The following MFHAS1 variants were observed in gnomAD, a reference collection of about 807,000 sequenced individuals.
MFHAS1 encodes malignant fibrous histiocytoma-amplified sequence 1.
A neutral mutation model predicts 70.4 loss-of-function variants in MFHAS1; 50 were observed. The observed-to-expected ratio is 0.71, with a 90% CI of 0.57 to 0.90. The LOEUF is 0.90. MFHAS1 is among the 40% of genes least tolerant of loss of function. The pLI, the probability that MFHAS1 is intolerant of heterozygous loss-of-function variation, is 0.00. For missense variants in MFHAS1, 1,795 were observed against 1,347.6 expected (o/e 1.33, Z -5.20); for synonymous variants, 952 against 620.0 (o/e 1.54, Z -7.96).
chr8:8,792,327 C>T (rs34473848), intron 2 of MFHAS1, among the ~76,000 whole-genome samples: 47,397 of 150,120 alleles, frequency 0.32, 8,437 homozygotes, highest in African/African-American at 0.47. Context: ...ATTGGCCGGG[C>T]GCGTGGCTCA....
intron 1 of MFHAS1, among the ~76,000 whole-genome samples, chr8:8,816,398 G>T (rs146758425): frequency 1.3e-5 from 2 of 152,156 alleles, no homozygotes; most frequent in African/African-American, 2.4e-5. Flanking sequence ...GTTATGGCAT[G>T]ACCATCCTCC....
intron 1 of MFHAS1, among the ~76,000 whole-genome samples, chr8:8,843,839 A>C (rs1400311117): frequency 6.6e-6 from 1 of 152,212 alleles, no homozygotes; most frequent in Non-Finnish European, 1.5e-5. Context: ...GCTAAGGTCC[A>C]AAAATGGAAA....
chr8:8,805,745 T>A (rs1054222738), intron 1 of MFHAS1, among the ~76,000 whole-genome samples: 1 of 152,240 alleles, frequency 6.6e-6, no homozygotes, highest in African/African-American at 2.4e-5. Flanking sequence ...TTGCCCAGGC[T>A]GGAGTGCAGT....
At chr8:8,888,079 G>A (rs1279412299) in intron 1 of MFHAS1, among the ~76,000 whole-genome samples, 5 of 152,148 alleles carry the variant, frequency 3.3e-5, no homozygotes, top group Admixed American at 1.3e-4. Flanking sequence ...CAATAAAGAA[G>A]TATCTTGCTT....
Position 8,799,587 on chromosome 8 carries a change from C to T in MFHAS1, c.2999-2096G>A, listed in dbSNP as rs1052592855. On this transcript the variant is annotated intron_variant, in intron 1 of 2. Transcript: ENST00000276282. The stretch of plus-strand genomic sequence containing the variant: ...CCTGGCCAACATGGTAAAACCCAGT[C>T]TCTACTAGAAATACAAAAATCAGCC... Among the ~76,000 whole-genome samples, 2 of 152,128 alleles carry T rather than the reference C, an allele frequency of 1.3e-5. 1 individual carries two copies. Among genetic ancestry groups the T allele is most frequent in the South Asian group, 4.1e-4 (2 of 4,826 alleles).
intron 1 of MFHAS1, among the ~76,000 whole-genome samples, chr8:8,880,270 C>T (rs911430682): frequency 9.9e-5 from 15 of 152,156 alleles, no homozygotes; most frequent in Admixed American, 2.0e-4. Flanking sequence ...TCACTTGGCC[C>T]CAGGAAGAAT....
intron 1 of MFHAS1, among the ~76,000 whole-genome samples, chr8:8,853,236 A>G (rs1195500447): frequency 6.6e-6 from 1 of 152,050 alleles, no homozygotes; most frequent in African/African-American, 2.4e-5. Context: ...GAGGCTTAAA[A>G]TACCCCATTT....
intron 1 of MFHAS1, among the ~76,000 whole-genome samples, chr8:8,820,814 G>A (rs1563188929): frequency 6.6e-6 from 1 of 152,222 alleles, no homozygotes; most frequent in Non-Finnish European, 1.5e-5. Flanking sequence ...TGCGAAGCAT[G>A]ATTCCAGGCC....
intron 1 of MFHAS1, among the ~76,000 whole-genome samples, chr8:8,880,747 C>A (rs1809488645): frequency 6.6e-6 from 1 of 151,236 alleles, no homozygotes; most frequent in South Asian, 2.1e-4. Flanking sequence ...TATAGCGGCG[C>A]AATCTCAGCT....
intron 1 of MFHAS1, among the ~76,000 whole-genome samples, chr8:8,859,722 T>C (rs332035): frequency 0.28 from 42,096 of 151,972 alleles, 9,519 homozygotes; most frequent in African/African-American, 0.63. Flanking sequence ...ATATAGTATC[T>C]AATATCTATA....
chr8:8,834,196 A>T (rs1437346125), intron 1 of MFHAS1, among the ~76,000 whole-genome samples: 1 of 152,236 alleles, frequency 6.6e-6, no homozygotes. Context: ...CACATGCAGC[A>T]TAATGACATT....
intron 1 of MFHAS1, among the ~76,000 whole-genome samples, chr8:8,870,290 CAA>C (rs61229252): frequency 2.9e-4 from 33 of 113,106 alleles, no homozygotes; most frequent in African/African-American, 1.1e-3. Context: ...CCTGTCTCTA[CAA>C]AAAAAAAAAA....
At chr8:8,874,600 G>C (rs932062756) in intron 1 of MFHAS1, among the ~76,000 whole-genome samples, 6 of 152,136 alleles carry the variant, frequency 3.9e-5, no homozygotes, top group Non-Finnish European at 7.4e-5. Flanking sequence ...CTTTGCTAAT[G>C]AATCTACCAT....
intron 2 of MFHAS1, among the ~76,000 whole-genome samples, chr8:8,790,970 G>C (rs977247076): frequency 6.6e-6 from 1 of 152,134 alleles, no homozygotes; most frequent in African/African-American, 2.4e-5. Flanking sequence ...TGGGGATCTT[G>C]CTTGAATGGG....
Position 8,892,041 on chromosome 8 carries a change from C to A in MFHAS1, c.1018G>T (p.Glu340Ter). 2 of 1,613,506 alleles carry A rather than the reference C, an allele frequency of 1.2e-6. No individual in the cohort carries two copies. The highest frequency in any genetic ancestry group is 1.7e-6 in the Non-Finnish European group (2 of 1,180,008). Residue 340 changes from glutamate to a stop codon, truncating the protein, a stop_gained, in exon 1 of 3, where the codon GAG (glutamate) becomes TAG (stop). Coordinates refer to ENST00000276282, the MANE Select transcript of MFHAS1 (RefSeq NM_004225.3). LOFTEE classifies it high-confidence loss of function. The surrounding 1 kb of genome is among the most constrained non-coding windows in gnomAD (Gnocchi z 4.7). ...RIRYLPDSIV[E>*]LTGLEELVLQ... ...ACGAGCTCCTCCAGGCCGGTCAGCT[C>A]CACGATGGAGTCCGGCAGGTAGCGG...
At chr8:8,836,477 C>G (rs935678765) in intron 1 of MFHAS1, among the ~76,000 whole-genome samples, 1 of 152,044 alleles carries the variant, frequency 6.6e-6, no homozygotes, top group South Asian at 2.1e-4. Context: ...CTCCCGGGCT[C>G]GAGTGAACCT....
intron 2 of MFHAS1, among the ~76,000 whole-genome samples, chr8:8,790,618 C>T (rs1038071568): frequency 2.0e-5 from 3 of 152,168 alleles, no homozygotes; most frequent in Admixed American, 6.5e-5. Context: ...CCACATGTGG[C>T]CTTTTCTTAT....
In MFHAS1 at chr8:8,892,687, G is replaced by A. The variant is rs748110364; in HGVS notation, c.372C>T (p.Thr124=). 4 of 1,580,610 alleles carry A rather than the reference G, an allele frequency of 2.5e-6. No individual in the cohort carries two copies. Among genetic ancestry groups the A allele is most frequent in the South Asian group, 2.3e-5 (2 of 87,048 alleles). Residue 124 remains threonine (T), a synonymous_variant, in exon 1 of 3, where the codon ACC becomes ACT. Transcript: ENST00000276282. This position sits in a 1 kb window ranked among gnomAD's most constrained non-coding sequence, Gnocchi z 4.7. ...CACTCACCACCTCCGCGCCCAGGGC[G>A]GTCAGCCGGTTGTGGCTCACGTCCA... ...TELDVSHNRL[T]ALGAEVVSAL...
chr8:8,798,206 T>C (rs189332897), intron 1 of MFHAS1, among the ~76,000 whole-genome samples: 7 of 152,326 alleles, frequency 4.6e-5, no homozygotes, highest in Non-Finnish European at 5.9e-5. Flanking sequence ...TGACTTCCAT[T>C]CTCTCATCCA....
Sources: allele counts gnomAD v4.1 joint callset (sites outside exome capture counted in the v4.1 genomes callset), GRCh38; gene constraint gnomAD v4.1.1; non-coding constraint Gnocchi (gnomAD v3.1); transcripts MANE v1.5; gene names NCBI Gene and HGNC (gene_info 2026-07-23, HGNC 2026-07-21).